The following PCDHGA3 variants were observed in gnomAD, a reference collection of about 807,000 sequenced individuals.
PCDHGA3 encodes protocadherin gamma-A3.
Under a neutral mutation model 58.5 loss-of-function variants are expected in PCDHGA3, and 40 were observed. The observed-to-expected ratio is 0.68, with a 90% CI of 0.53 to 0.89. The LOEUF is 0.89. Ranked by LOEUF, PCDHGA3 falls within the 40% of genes least tolerant of loss-of-function variation. The probability of loss-of-function intolerance (pLI) is 0.00; values close to 1 mark genes in which losing one functional copy is unlikely to be tolerated. For synonymous variants in PCDHGA3, 530 were observed against 525.7 expected, an observed-to-expected ratio of 1.01 and a Z score of -0.11; for missense variants, 1,223 against 1,195.9, an observed-to-expected ratio of 1.02 and a Z score of -0.33.
intron 1 of PCDHGA3, chr5:141,388,015 G>A (rs2091197688): frequency 6.8e-7 from 1 of 1,467,954 alleles, no homozygotes; most frequent in South Asian, 1.3e-5. Context: ...ATGCCCAAGG[G>A]CTCCGTAGTG....
rs140933475 is a variant in PCDHGA3 at position 141,477,405 on chromosome 5, G to A, written c.2425-17402G>A. The A allele has an allele frequency of 3.8e-4, 608 of 1,614,076 alleles. No individual in the cohort carries two copies. The highest frequency in any genetic ancestry group is 4.6e-4 in the Non-Finnish European group (540 of 1,180,022). On this transcript the variant is annotated intron_variant, in intron 1 of 3. Transcript: ENST00000253812. This position sits in a 1 kb window ranked among gnomAD's most constrained non-coding sequence, Gnocchi z 4.9. ...GAATACAACCTCAGCATCACCGCCC[G>A]AGACGCCGGAACCCCTTCCCTCTCA...
chr5:141,492,998 C>A (rs2154589328), intron 1 of PCDHGA3, among the ~76,000 whole-genome samples: 1 of 152,334 alleles, frequency 6.6e-6, no homozygotes, highest in Admixed American at 6.5e-5. Flanking sequence ...AGATGGAAAG[C>A]TATAGGCTCT....
intron 1 of PCDHGA3, chr5:141,361,508 T>C: frequency 1.9e-6 from 3 of 1,614,028 alleles, no homozygotes; most frequent in East Asian, 4.5e-5. Context: ...ACTTCCTACA[T>C]GGTTCACGTG....
intron 1 of PCDHGA3, among the ~76,000 whole-genome samples, chr5:141,443,787 A>C (rs957552086): frequency 3.3e-5 from 5 of 152,222 alleles, no homozygotes; most frequent in African/African-American, 1.2e-4. Flanking sequence ...AAGACAAAAA[A>C]AATGAAAAGG....
At chr5:141,355,713 G>A (rs756628846) in intron 1 of PCDHGA3, 4 of 1,614,022 alleles carry the variant, frequency 2.5e-6, no homozygotes, top group South Asian at 1.1e-5. Context: ...AGGGTTACCA[G>A]CTCAACTCAA....
intron 1 of PCDHGA3, chr5:141,428,653 T>A (rs952656382): frequency 1.8e-5 from 3 of 167,524 alleles, no homozygotes; most frequent in Admixed American, 1.1e-4. Flanking sequence ...TCACGTGAGT[T>A]CCAATGAATG....
At position 141,485,831 on chromosome 5, in the gene PCDHGA3, C is replaced by A; in HGVS notation, c.2425-8976C>A. The A allele has an allele frequency of 6.2e-7, 1 of 1,614,080 alleles. No individual in the cohort carries two copies. Among genetic ancestry groups the A allele is most frequent in the Non-Finnish European group, 8.5e-7 (1 of 1,180,026 alleles). ...GCTGACTGCTGTCGATGGAGGGAAC[C>A]CGCCGAGATCTGGCACCGCAGAGCT... On this transcript the variant is annotated intron_variant, in intron 1 of 3. Coordinates refer to ENST00000253812, the MANE Select transcript of PCDHGA3 (RefSeq NM_018916.4). The surrounding 1 kb of genome is among the most constrained non-coding windows in gnomAD (Gnocchi z 5.7).
chr5:141,393,635 C>A (rs370544677), intron 1 of PCDHGA3: 1 of 1,613,750 alleles, frequency 6.2e-7, no homozygotes, highest in African/African-American at 1.3e-5. Context: ...AGGGAATCAA[C>A]GGAAAAGTGG....
intron 1 of PCDHGA3, chr5:141,404,954 A>C: frequency 6.2e-7 from 1 of 1,613,952 alleles, no homozygotes; most frequent in Non-Finnish European, 8.5e-7. Flanking sequence ...AGCTGACAGC[A>C]TCCCAGACAT....
At chr5:141,447,642 T>G (rs1275164919) in intron 1 of PCDHGA3, among the ~76,000 whole-genome samples, 2 of 152,166 alleles carry the variant, frequency 1.3e-5, no homozygotes, top group Non-Finnish European at 2.9e-5. Flanking sequence ...TGAATGATGG[T>G]AGAATTTTCC....
intron 1 of PCDHGA3, chr5:141,385,452 G>A: frequency 6.9e-7 from 1 of 1,446,532 alleles, no homozygotes; most frequent in Non-Finnish European, 9.1e-7. Context: ...GAGTTTACCA[G>A]TTTCCTTCAG....
chr5:141,489,666 C>A lies in PCDHGA3; in HGVS notation c.2425-5141C>A. On this transcript the variant is annotated intron_variant, in intron 1 of 3. Transcript: ENST00000253812. The surrounding 1 kb of genome is among the most constrained non-coding windows in gnomAD (Gnocchi z 4.5). ...CCACCCCTGAGCGAGAGATGCGCAT[C>A]TCAGAATCAGCAGCATCTGGGGCAC... 1.2e-6 allele frequency: 2 copies of A among 1,614,222 alleles called. No homozygotes were observed. Among genetic ancestry groups the A allele is most frequent in the Non-Finnish European group, 1.7e-6 (2 of 1,180,036 alleles).
chr5:141,378,596 C>T (rs866872764), intron 1 of PCDHGA3: 2 of 152,150 alleles, frequency 1.3e-5, no homozygotes, highest in Non-Finnish European at 2.9e-5. Context: ...TGTCTGCTTA[C>T]AGGACATATC....
In PCDHGA3 at chr5:141,390,133, A is replaced by G. The variant is rs1394678030; in HGVS notation, c.2424+43676A>G. ...AGCGAGGGGACTTTGCCTTATTCCT[A>G]CAATCTATGTGTTGCACATACAGGA... On this transcript the variant is annotated intron_variant, in intron 1 of 3. Coordinates refer to ENST00000253812, the MANE Select transcript of PCDHGA3 (RefSeq NM_018916.4). The G allele has an allele frequency of 3.1e-6, 5 of 1,614,040 alleles. No individual in the cohort carries two copies. The South Asian group carries it at 5.5e-5, about 18-fold the overall frequency.
At chr5:141,352,597 T>C in intron 1 of PCDHGA3, 3 of 1,613,558 alleles carry the variant, frequency 1.9e-6, no homozygotes, top group Non-Finnish European at 1.7e-6. Flanking sequence ...TGCTGTGTGA[T>C]GATCCTTCTA....
rs375436846 is a variant in PCDHGA3, at chr5:141,399,581, A to T, written c.2424+53124A>T. ...TTGGGGTTGAACGGCCAAGTCTCCT[A>T]CTCTATCATGGCCAGCGACCTAGAG... is the stretch of plus-strand genomic sequence containing the variant. On this transcript the variant is annotated intron_variant, in intron 1 of 3. Coordinates refer to ENST00000253812, the MANE Select transcript of PCDHGA3 (RefSeq NM_018916.4). 9.9e-6 allele frequency: 16 copies of T among 1,613,788 alleles called. No homozygotes were observed. The African/African-American group carries it at 1.9e-4, about 19-fold the overall frequency.
rs769652961 is a variant in PCDHGA3, at chr5:141,489,435, A to G, written c.2425-5372A>G. ...CAGATCTGTTGAGCCGGCGGCTGCAATTGGGCTCTGAGGAGAATGGGCGCT... is the reference window on the plus strand; with the variant it reads ...CAGATCTGTTGAGCCGGCGGCTGCAGTTGGGCTCTGAGGAGAATGGGCGCT... On this transcript the variant is annotated intron_variant, in intron 1 of 3. Coordinates refer to ENST00000253812, the MANE Select transcript of PCDHGA3 (RefSeq NM_018916.4). This position sits in a 1 kb window ranked among gnomAD's most constrained non-coding sequence, Gnocchi z 4.5. 2 of 1,614,138 alleles carry G rather than the reference A, an allele frequency of 1.2e-6. No homozygotes were observed. The highest frequency in any genetic ancestry group is 1.7e-6 in the Non-Finnish European group (2 of 1,180,024).
intron 1 of PCDHGA3, chr5:141,403,291 A>T: frequency 6.2e-7 from 1 of 1,613,918 alleles, no homozygotes; most frequent in Non-Finnish European, 8.5e-7. Flanking sequence ...TTGAAGACAG[A>T]GTGAAACTGT....
intron 1 of PCDHGA3, chr5:141,372,856 A>T (rs1769134013): frequency 6.9e-7 from 1 of 1,445,570 alleles, no homozygotes; most frequent in Admixed American, 2.4e-5. Flanking sequence ...TTGGGTTTCA[A>T]TTCATTGATT....
Sources: gnomAD v4.1 joint callset for allele counts (sites outside exome capture counted in the v4.1 genomes callset) on GRCh38, gnomAD v4.1.1 for gene constraint, Gnocchi (gnomAD v3.1) non-coding constraint, MANE v1.5 for transcripts, NCBI Gene and HGNC (gene_info 2026-07-23, HGNC 2026-07-21) for gene names.